MYO5B: variants seen among roughly 807,000 people sequenced by gnomAD.
MYO5B encodes myosin VB.
In MYO5B, 143 loss-of-function variants were observed where a neutral mutation model predicts 229.3. The ratio of observed to expected loss-of-function variants is 0.62; its 90% CI spans 0.54 to 0.72. The LOEUF (loss-of-function observed/expected upper bound fraction) is 0.72, where lower values mean the gene tolerates loss of function less well. Ranked by LOEUF, MYO5B falls within the 30% of genes least tolerant of loss-of-function variation. MYO5B has a pLI of 0.00. For synonymous variants in MYO5B, 918 were observed against 885.2 expected (o/e 1.04, Z -0.66); for missense variants, 2,321 against 2,331.0 (o/e 1.00, Z 0.09).
intron 1 of MYO5B, among the ~76,000 whole-genome samples, chr18:50,094,927 A>C (rs1231791576): frequency 2.0e-5 from 3 of 152,174 alleles, no homozygotes; most frequent in African/African-American, 7.2e-5. Flanking sequence ...TCCTAGGCTC[A>C]AGTGATTGTC....
chr18:50,018,253 G>A (rs2026236967), intron 4 of MYO5B, among the ~76,000 whole-genome samples: 1 of 148,794 alleles, frequency 6.7e-6, no homozygotes, highest in Non-Finnish European at 1.5e-5. Flanking sequence ...TGCCCAGCTA[G>A]TCACTCATAT....
At chr18:50,119,320 G>C (rs1448584852) in intron 1 of MYO5B, among the ~76,000 whole-genome samples, 1 of 152,164 alleles carries the variant, frequency 6.6e-6, no homozygotes. Flanking sequence ...TTACCCTACA[G>C]GTTTCACATC....
intron 1 of MYO5B, among the ~76,000 whole-genome samples, chr18:50,169,397 A>C (rs1015137948): frequency 7.8e-6 from 1 of 127,784 alleles, no homozygotes; most frequent in Non-Finnish European, 1.7e-5. Flanking sequence ...CAGGTAGAGA[A>C]ACCTGGCATA....
At chr18:50,015,114 C>T (rs774922436) in intron 4 of MYO5B, among the ~76,000 whole-genome samples, 25 of 152,174 alleles carry the variant, frequency 1.6e-4, no homozygotes, top group Non-Finnish European at 2.5e-4. Context: ...TAGGAATTCC[C>T]TCTGCAGTGG....
chr18:50,182,006 A>T (rs1260583851), intron 1 of MYO5B, among the ~76,000 whole-genome samples: 1 of 152,184 alleles, frequency 6.6e-6, no homozygotes, highest in Non-Finnish European at 1.5e-5. Context: ...TCATACGACA[A>T]ATGAACCGTT....
Position 49,855,842 on chromosome 18 carries a change from C to T in MYO5B, c.4022+971G>A, listed in dbSNP as rs117418056. On this transcript the variant is annotated intron_variant, in intron 30 of 39. Transcript: ENST00000285039. ...GTACCTCTACTACATCCTCAGCAGG[C>T]GGCAAGGAGAAGCAGCATGAGGGCT... Among the ~76,000 whole-genome samples the T allele has an allele frequency of 7.0e-3, 1,071 of 152,314 alleles. 13 individuals carry two copies. Among genetic ancestry groups the T allele is most frequent in the Middle Eastern group, 0.014 (4 of 294 alleles).
At chr18:50,030,603 T>C (rs1164100397) in intron 4 of MYO5B, among the ~76,000 whole-genome samples, 1 of 151,906 alleles carries the variant, frequency 6.6e-6, no homozygotes, top group Non-Finnish European at 1.5e-5. Flanking sequence ...TCCCTATCCT[T>C]GCCGAGCACA....
At chr18:49,846,373 T>C (rs952144134) in intron 33 of MYO5B, among the ~76,000 whole-genome samples, 17 of 152,172 alleles carry the variant, frequency 1.1e-4, no homozygotes, top group African/African-American at 4.1e-4. Flanking sequence ...ATGCTGCTGG[T>C]CCAGGGACCA....
chr18:50,087,797 C>G (rs2031363791), intron 1 of MYO5B, among the ~76,000 whole-genome samples: 1 of 151,978 alleles, frequency 6.6e-6, no homozygotes, highest in Non-Finnish European at 1.5e-5. Context: ...GCACCCTTCC[C>G]AAAGAGCTCA....
At chr18:49,879,866 T>C (rs2024567439) in intron 23 of MYO5B, among the ~76,000 whole-genome samples, 1 of 152,164 alleles carries the variant, frequency 6.6e-6, no homozygotes, top group Non-Finnish European at 1.5e-5. Context: ...CAGTAAACAT[T>C]AACAGATGAC....
Position 50,032,656 on chromosome 18 carries a change from A to T in MYO5B, c.455+4194T>A, listed in dbSNP as rs79832482. On this transcript the variant is annotated intron_variant, in intron 4 of 39. Coordinates refer to ENST00000285039, the MANE Select transcript of MYO5B (RefSeq NM_001080467.3). ...TTTTCACCTTTTGGCTATTGTGAAT[A>T]ACACTGCTAAAAACATGTGTAAGCT... Among the ~76,000 whole-genome samples the T allele has an allele frequency of 3.9e-3, 593 of 152,344 alleles. 18 individuals carry two copies. The East Asian group carries it at 0.096, about 25-fold the overall frequency.
chr18:49,870,150 A>T (rs557591842), intron 27 of MYO5B, among the ~76,000 whole-genome samples: 2 of 152,182 alleles, frequency 1.3e-5, no homozygotes, highest in Non-Finnish European at 2.9e-5. Flanking sequence ...ATAACTCCAG[A>T]AGGAGATCTC....
At chr18:50,122,632 GGGGAGAGAGA>G (rs1393708547) in intron 1 of MYO5B, among the ~76,000 whole-genome samples, 195 of 13,400 alleles carry the variant, frequency 0.015, 10 homozygotes, top group African/African-American at 0.04. Flanking sequence ...GGGAAGGGGG[GGGGAGAGAGA>G]GAGAGAGAGA....
At chr18:50,188,087 GA>G (rs1041330653) in intron 1 of MYO5B, among the ~76,000 whole-genome samples, 2 of 152,162 alleles carry the variant, frequency 1.3e-5, no homozygotes, top group African/African-American at 4.8e-5. Context: ...GAAAAATATA[GA>G]AACTGCACTA....
intron 1 of MYO5B, among the ~76,000 whole-genome samples, chr18:50,180,822 T>C (rs1385754730): frequency 6.6e-6 from 1 of 152,250 alleles, no homozygotes; most frequent in East Asian, 1.9e-4. Context: ...TCAAGGTTCA[T>C]CCTTGCTGTA....
At chr18:49,847,819 T>A (rs920491534) in intron 32 of MYO5B, among the ~76,000 whole-genome samples, 1 of 152,352 alleles carries the variant, frequency 6.6e-6, no homozygotes, top group African/African-American at 2.4e-5. Context: ...CTGGACACTG[T>A]CTGTGACCTG....
chr18:49,980,544 T>C lies in MYO5B; in HGVS notation c.956A>G (p.Glu319Gly). ...RQAFTLLGVK[E>G]SHQMSIFKII... Reference sequence around the variant, plus strand: ...CTTAAAAATGCTCATCTGATGGGACTCTTTCACTCCTGGAAAAGAAAAATG... The same window carrying C: ...CTTAAAAATGCTCATCTGATGGGACCCTTTCACTCCTGGAAAAGAAAAATG... Residue 319 changes from glutamate (E) to glycine (G), a missense_variant, in exon 9 of 40, where the codon GAG becomes GGG. Coordinates refer to ENST00000285039, the MANE Select transcript of MYO5B (RefSeq NM_001080467.3). 6.2e-7 allele frequency: 1 copy of C among 1,610,860 alleles called. No individual in the cohort carries two copies. Among genetic ancestry groups the C allele is most frequent in the Non-Finnish European group, 8.5e-7 (1 of 1,176,988 alleles).
chr18:50,081,080 A>G (rs572281305), intron 1 of MYO5B, among the ~76,000 whole-genome samples: 21 of 152,306 alleles, frequency 1.4e-4, no homozygotes, highest in Non-Finnish European at 2.8e-4. Flanking sequence ...ACTCAAACAC[A>G]CCTTCCAAGA....
intron 22 of MYO5B, among the ~76,000 whole-genome samples, chr18:49,880,931 T>C (rs762161967): frequency 1.6e-4 from 25 of 152,222 alleles, no homozygotes; most frequent in Non-Finnish European, 3.5e-4. Context: ...GGTTATCTAC[T>C]GGCACATCTG....
Sources: gnomAD v4.1 joint callset for allele counts (sites outside exome capture counted in the v4.1 genomes callset) on GRCh38, gnomAD v4.1.1 for gene constraint, MANE v1.5 for transcripts, NCBI Gene and HGNC (gene_info 2026-07-23, HGNC 2026-07-21) for gene names.